Variants in MAPK8 observed in about 807,000 individuals in gnomAD.
MAPK8 encodes the protein JUN N-terminal kinase.
Under a neutral mutation model 52.9 loss-of-function variants are expected in MAPK8, and 13 were observed. The ratio of observed to expected loss-of-function variants is 0.25; its 90% confidence interval spans 0.16 to 0.39. MAPK8 has a LOEUF of 0.39. Among genes scored for constraint, MAPK8 ranks in the 10% least tolerant of loss-of-function variants. MAPK8 has a pLI of 1.00. For missense variants in MAPK8, 300 were observed against 519.2 expected (o/e 0.58, Z 4.10); for synonymous variants, 191 against 169.8 (o/e 1.12, Z -0.97).
intron 1 of MAPK8, among the ~76,000 whole-genome samples, chr10:48,370,029 G>T (rs1422149500): frequency 2.0e-5 from 3 of 152,094 alleles, no homozygotes; most frequent in Admixed American, 2.0e-4. Flanking sequence ...AGGTTTTTAT[G>T]TATTTTTTAA....
In MAPK8 at chr10:48,438,038, A is replaced by G. The variant is rs2044997061; in HGVS notation, c.*3009A>G. ...GCCAGTATCTGCTAAACATATGAAG[A>G]CTTAACTATTCAGTGTTGCCTAGGC... On this transcript the variant is annotated 3_prime_UTR_variant, in exon 12 of 12. Transcript: ENST00000374189. 6.6e-6 allele frequency: 1 copy of G among 152,266 alleles called. No homozygotes were observed. Among genetic ancestry groups the G allele is most frequent in the Non-Finnish European group, 1.5e-5 (1 of 68,054 alleles). The allele number at this position is 152,266 out of a possible 1,614,324, so 9.4% of individuals were successfully genotyped here. A position where few individuals can be genotyped will look rare whatever the true frequency, so the allele number is the denominator to read the frequency against.
At chr10:48,346,378 A>G (rs1845778747) in intron 1 of MAPK8, among the ~76,000 whole-genome samples, 1 of 152,254 alleles carries the variant, frequency 6.6e-6, no homozygotes. Flanking sequence ...AGGTGTGACC[A>G]GAAGACAAGA....
At chr10:48,371,639 A>G (rs1226362754) in intron 1 of MAPK8, among the ~76,000 whole-genome samples, 1 of 152,048 alleles carries the variant, frequency 6.6e-6, no homozygotes, top group Non-Finnish European at 1.5e-5. Flanking sequence ...TCTCCAACAG[A>G]CACCAACTGG....
chr10:48,344,710 T>C (rs1175618015), intron 1 of MAPK8, among the ~76,000 whole-genome samples: 2 of 152,210 alleles, frequency 1.3e-5, no homozygotes, highest in Admixed American at 6.5e-5. Context: ...TTAAAAAAAT[T>C]AATTAAAAAT....
chr10:48,375,069 C>T (rs540086901), intron 1 of MAPK8, among the ~76,000 whole-genome samples: 6 of 152,218 alleles, frequency 3.9e-5, no homozygotes, highest in South Asian at 4.1e-4. Flanking sequence ...CCCTGGGATG[C>T]GAGGCTGGTT....
At chr10:48,386,517 A>C (rs1274000449) in intron 1 of MAPK8, among the ~76,000 whole-genome samples, 1 of 152,218 alleles carries the variant, frequency 6.6e-6, no homozygotes, top group Non-Finnish European at 1.5e-5. Flanking sequence ...CATGCAGTTG[A>C]GCAAGCCCAG....
In MAPK8 at chr10:48,425,955, G is replaced by T; in HGVS notation, c.756G>T (p.Leu252=). The change falls in exon 8 of 12, where the codon CTG becomes CTT. Residue 252 remains leucine (L), a synonymous_variant. Transcript: ENST00000374189. ...CATGTCCTGAATTCATGAAGAAACTGCAACCAACAGTAAGGACTTACGTTG... is the reference window on the plus strand; with the variant it reads ...CATGTCCTGAATTCATGAAGAAACTTCAACCAACAGTAAGGACTTACGTTG... ...GTPCPEFMKK[L]QPTVRTYVEN... The T allele has an allele frequency of 1.2e-6, 2 of 1,612,616 alleles. No homozygotes were observed. Among genetic ancestry groups the T allele is most frequent in the South Asian group, 1.1e-5 (1 of 90,904 alleles).
chr10:48,346,309 A>G (rs1040411597), intron 1 of MAPK8, among the ~76,000 whole-genome samples: 3 of 152,214 alleles, frequency 2.0e-5, no homozygotes, highest in African/African-American at 7.2e-5. Flanking sequence ...TCCTCACTCT[A>G]TAATCATAGT....
intron 1 of MAPK8, among the ~76,000 whole-genome samples, chr10:48,378,950 G>A (rs2040831359): frequency 6.6e-6 from 1 of 152,092 alleles, no homozygotes; most frequent in South Asian, 2.1e-4. Context: ...CTACCGAAGA[G>A]AAATAGACCA....
chr10:48,307,215 C>T (rs1008455120), intron 1 of MAPK8: 2 of 152,318 alleles, frequency 1.3e-5, no homozygotes, highest in African/African-American at 4.8e-5. Context: ...CCGCCGCGCC[C>T]TGGCTGCCTC....
chr10:48,355,783 A>G (rs1846858859), intron 1 of MAPK8, among the ~76,000 whole-genome samples: 1 of 152,230 alleles, frequency 6.6e-6, no homozygotes, highest in Non-Finnish European at 1.5e-5. Context: ...ACAGGAACCT[A>G]AGGTGGTTAA....
At chr10:48,377,895 T>G (rs2040768114) in intron 1 of MAPK8, among the ~76,000 whole-genome samples, 1 of 152,204 alleles carries the variant, frequency 6.6e-6, no homozygotes, top group Non-Finnish European at 1.5e-5. Context: ...TTTCTATACA[T>G]TGTTAAATTG....
At position 48,364,888 on chromosome 10, in the gene MAPK8, G is replaced by C. The variant is rs138546212; in HGVS notation, c.-49-36724G>C. 1.5e-3 allele frequency among the ~76,000 whole-genome samples: 233 copies of C among 152,170 alleles called. 1 individual carries two copies. Among genetic ancestry groups the C allele is most frequent in the African/African-American group, 5.3e-3 (220 of 41,540 alleles). On this transcript the variant is annotated intron_variant, in intron 1 of 11. Coordinates refer to ENST00000374189, the MANE Select transcript of MAPK8 (RefSeq NM_001323329.2). ...CAAGCTAGAGCAATCAGTCATACTG[G>C]TATCTCTTTTACAGATACCTTTAGA...
chr10:48,396,713 T>A (rs1022514848), intron 1 of MAPK8, among the ~76,000 whole-genome samples: 1 of 152,184 alleles, frequency 6.6e-6, no homozygotes, highest in Non-Finnish European at 1.5e-5. Flanking sequence ...ATGAATAATA[T>A]TCAGTAAGAA....
At chr10:48,351,218 T>C (rs1232064264) in intron 1 of MAPK8, among the ~76,000 whole-genome samples, 1 of 151,368 alleles carries the variant, frequency 6.6e-6, no homozygotes, top group Admixed American at 6.6e-5. Context: ...TTCAATGCTA[T>C]CCCCATCAAG....
At chr10:48,332,921 G>A (rs1844294706) in intron 1 of MAPK8, among the ~76,000 whole-genome samples, 1 of 152,162 alleles carries the variant, frequency 6.6e-6, no homozygotes, top group South Asian at 2.1e-4. Context: ...CTGGTTAAGA[G>A]CATAATAATT....
chr10:48,319,460 T>C (rs1013200682), intron 1 of MAPK8, among the ~76,000 whole-genome samples: 34 of 152,188 alleles, frequency 2.2e-4, no homozygotes, highest in African/African-American at 7.5e-4. Context: ...TTACCCACTT[T>C]CTTCTCTATA....
chr10:48,388,282 T>C (rs911297174), intron 1 of MAPK8, among the ~76,000 whole-genome samples: 1 of 152,206 alleles, frequency 6.6e-6, no homozygotes, highest in African/African-American at 2.4e-5. Context: ...GGCTAAATTC[T>C]AAGGTTAGCC....
At chr10:48,434,456 T>A (rs2044667505) in intron 11 of MAPK8, among the ~76,000 whole-genome samples, 1 of 152,344 alleles carries the variant, frequency 6.6e-6, no homozygotes, top group African/African-American at 2.4e-5. Flanking sequence ...GACTTTTTTG[T>A]AGGGAAGTAG....
Sources: gnomAD v4.1 joint callset for allele counts (sites outside exome capture counted in the v4.1 genomes callset) on GRCh38, gnomAD v4.1.1 for gene constraint, MANE v1.5 for transcripts, NCBI Gene and HGNC (gene_info 2026-07-23, HGNC 2026-07-21) for gene names.